The following MS4A8 variants were observed in gnomAD, a reference collection of about 807,000 sequenced individuals.
The protein encoded by MS4A8 is membrane-spanning 4-domains subfamily A member 8.
In MS4A8, 27 loss-of-function variants were observed where a neutral mutation model predicts 23.7. The ratio of observed to expected loss-of-function variants is 1.14; its 90% CI spans 0.84 to 1.57. The LOEUF is 1.57. Among genes scored for constraint, MS4A8 ranks in the 40% most tolerant of loss-of-function variants. The pLI is 0.00. For missense variants in MS4A8, 301 were observed against 311.4 expected (o/e 0.97, Z 0.25); for synonymous variants, 138 against 126.3 (o/e 1.09, Z -0.62).
chr11:60,708,856 G>A (rs750214837), intron 5 of MS4A8, 75 bp downstream of exon 5: 1 of 1,564,372 alleles, frequency 6.4e-7, no homozygotes, highest in East Asian at 2.3e-5. Flanking sequence ...GAAAGGGCTT[G>A]ACAACCAAGC....
At position 60,715,140 on chromosome 11, in the gene MS4A8, T is replaced by C; in HGVS notation, c.648+6T>C. The stretch of plus-strand genomic sequence containing the variant: ...TCTGCTGTCAATCAAGCAATGTGAG[T>C]CCCAGGGTTCCTCAGTGGGTGGAAA... On this transcript the variant is annotated splice_donor_region_variant and intron_variant, in intron 6 of 6. Coordinates refer to ENST00000300226, the MANE Select transcript of MS4A8 (RefSeq NM_031457.2). 1 of 1,606,052 alleles carries C rather than the reference T, an allele frequency of 6.2e-7. No homozygotes were observed. The highest frequency in any genetic ancestry group is 8.5e-7 in the Non-Finnish European group (1 of 1,172,686).
rs773486448 is a variant in MS4A8, at chr11:60,708,744, A to T, written c.497A>T (p.Tyr166Phe). 1.2e-6 allele frequency: 2 copies of T among 1,613,800 alleles called. No individual in the cohort carries two copies. The highest frequency in any genetic ancestry group is 1.7e-6 in the Non-Finnish European group (2 of 1,179,882). Residue 166 changes from tyrosine to phenylalanine, a missense_variant, in exon 5 of 7, where the codon TAT becomes TTT. Physicochemically the swap from Tyr to Phe is conservative, Grantham distance 22 (BLOSUM62 3). Transcript: ENST00000300226. The part of the protein sequence containing the change: ...FITDLSIPHP[Y>F]AYPDYYPYAW... ...ACAGATCTAAGTATTCCCCACCCAT[A>T]TGCCTACCCCGACTATTATCCTTAC...
chr11:60,711,061 G>A (rs1216369007), intron 5 of MS4A8, among the ~76,000 whole-genome samples: 1 of 152,114 alleles, frequency 6.6e-6, no homozygotes, highest in South Asian at 2.1e-4. Context: ...TGTAGTCTAT[G>A]CATCTAACAC....
intron 4 of MS4A8, among the ~76,000 whole-genome samples, chr11:60,707,670 C>G (rs2088267891): frequency 1.3e-5 from 2 of 152,140 alleles, no homozygotes; most frequent in South Asian, 4.1e-4. Context: ...AATGTGGAAG[C>G]GTATCTTTCT....
intron 5 of MS4A8, chr11:60,711,994 A>G: frequency 4.1e-6 from 1 of 244,870 alleles, no homozygotes; most frequent in East Asian, 1.5e-4. Flanking sequence ...CACATCAGGA[A>G]TTATTTTTCA....
chr11:60,701,032 A>T lies in MS4A8; in HGVS notation c.172A>T (p.Asn58Tyr). Residue 58 changes from asparagine (N) to tyrosine (Y), a missense_variant, in exon 2 of 7, where the codon AAT becomes TAT. Coordinates refer to ENST00000300226, the MANE Select transcript of MS4A8 (RefSeq NM_031457.2). ...CCCACCTAGTTTGGTGTCGAATGTG[A>T]ATGGGCAGCCTGTGCAGAAAGCTCT... The part of the protein sequence containing the change: ...GNPPSLVSNV[N>Y]GQPVQKALKE... 1 of 1,614,152 alleles carries T rather than the reference A, an allele frequency of 6.2e-7. No homozygotes were observed. The highest frequency in any genetic ancestry group is 2.2e-5 in the East Asian group (1 of 44,880).
intron 3 of MS4A8, among the ~76,000 whole-genome samples, chr11:60,703,764 T>C (rs941403946): frequency 6.6e-6 from 1 of 152,200 alleles, no homozygotes; most frequent in Admixed American, 6.5e-5. Context: ...AAGTCTGCGA[T>C]GGAGATGTTA....
intron 3 of MS4A8, among the ~76,000 whole-genome samples, chr11:60,704,159 C>T (rs1041214661): frequency 1.5e-5 from 2 of 132,194 alleles, no homozygotes; most frequent in African/African-American, 2.9e-5. Flanking sequence ...CTCACTCTGT[C>T]GCCCAAGCTG....
Position 60,708,649 on chromosome 11 carries a change from G to C in MS4A8, c.403-1G>C. 6.6e-7 allele frequency: 1 copy of C among 1,520,550 alleles called. No individual in the cohort carries two copies. Among genetic ancestry groups the C allele is most frequent in the Non-Finnish European group, 8.8e-7 (1 of 1,136,176 alleles). 94.2% of individuals were successfully genotyped at this position (1,520,550 alleles called of 1,614,324 possible). ...ATCCTGACCCTCTGTGTCTTCTTCA[G>C]CTGTCTGGCAGTTTGGGCTTGAACA... On this transcript the variant is annotated splice_acceptor_variant, in intron 4 of 6. Transcript: ENST00000300226. LOFTEE classifies it high-confidence loss of function.
chr11:60,706,944 C>T lies in MS4A8; in HGVS notation c.343-44C>T, dbSNP rs555665394. Reference sequence around the variant, plus strand: ...ATCACAGAAGCCTGGGGAAGGGCACCCTAGCCCCTGACCTCTTTCTAAACC... The same window carrying T: ...ATCACAGAAGCCTGGGGAAGGGCACTCTAGCCCCTGACCTCTTTCTAAACC... On this transcript the variant is annotated intron_variant, in intron 3 of 6. Transcript: ENST00000300226. 3.2e-6 allele frequency: 5 copies of T among 1,576,608 alleles called. No homozygotes were observed. In the African/African-American group the frequency reaches 4.1e-5, roughly 13 times the overall value.
intron 2 of MS4A8, among the ~76,000 whole-genome samples, chr11:60,701,918 G>T (rs1242593482): frequency 6.6e-6 from 1 of 152,182 alleles, no homozygotes; most frequent in Admixed American, 6.5e-5. Flanking sequence ...GCTATGAAAA[G>T]AACAAGAAAG....
At chr11:60,708,596 A>G in intron 4 of MS4A8, 54 bp from the exon 5 acceptor site, 2 of 1,472,264 alleles carry the variant, frequency 1.4e-6, no homozygotes, top group Non-Finnish European at 9.0e-7. Context: ...GTCTCCATTC[A>G]TCTCAGCTAT....
Position 60,715,729 on chromosome 11 carries a change from G to T in MS4A8, c.*315G>T. On this transcript the variant is annotated 3_prime_UTR_variant, in exon 7 of 7. Transcript: ENST00000300226. The stretch of plus-strand genomic sequence containing the variant: ...GTGCTCTGCTGCATGTGAGCTTGTG[G>T]GTTAGAGGAACAAATATCTAGACAT... The T allele has an allele frequency of 5.8e-6, 2 of 341,898 alleles. No individual in the cohort carries two copies. The highest frequency in any genetic ancestry group is 1.1e-5 in the Non-Finnish European group (2 of 184,384). 21.2% of individuals were successfully genotyped at this position (341,898 alleles called of 1,614,324 possible). A position where few individuals can be genotyped will look rare whatever the true frequency, so the allele number is the denominator to read the frequency against.
At chr11:60,714,029 A>G (rs2088321456) in intron 5 of MS4A8, among the ~76,000 whole-genome samples, 1 of 141,014 alleles carries the variant, frequency 7.1e-6, no homozygotes, top group Non-Finnish European at 1.5e-5. Flanking sequence ...GGTTCATGCC[A>G]TTCTCCTGCC....
At chr11:60,704,116 CTTTTTTT>C (rs1245958477) in intron 3 of MS4A8, among the ~76,000 whole-genome samples, 8 of 126,870 alleles carry the variant, frequency 6.3e-5, no homozygotes, top group South Asian at 2.4e-4. Flanking sequence ...TTTCTTTTTA[CTTTTTTT>C]TTTTTTTTTT....
chr11:60,712,001 TTCA>T, intron 5 of MS4A8: 2 of 243,078 alleles, frequency 8.2e-6, no homozygotes, highest in Non-Finnish European at 1.7e-5. Flanking sequence ...GGAATTATTT[TTCA>T]TCAAATAAAA....
intron 4 of MS4A8, among the ~76,000 whole-genome samples, chr11:60,707,865 T>G (rs2088270370): frequency 6.9e-6 from 1 of 144,464 alleles, no homozygotes; most frequent in South Asian, 2.3e-4. Context: ...AGTCTCACTG[T>G]GTCCCCCAGG....
intron 5 of MS4A8, among the ~76,000 whole-genome samples, chr11:60,710,429 T>C (rs1174823096): frequency 6.6e-6 from 1 of 152,208 alleles, no homozygotes; most frequent in Non-Finnish European, 1.5e-5. Flanking sequence ...GGACAAAACC[T>C]TGGAGTCGTC....
chr11:60,709,336 T>C (rs1464782508), intron 5 of MS4A8: 1 of 153,266 alleles, frequency 6.5e-6, no homozygotes, highest in Non-Finnish European at 1.5e-5. Flanking sequence ...CACTGTCCAA[T>C]AGAAATATGC....
Sources: gnomAD v4.1 joint callset for allele counts (sites outside exome capture counted in the v4.1 genomes callset) on GRCh38, gnomAD v4.1.1 for gene constraint, MANE v1.5 for transcripts, NCBI Gene and HGNC (gene_info 2026-07-23, HGNC 2026-07-21) for gene names.